The following DNM2 variants were observed in gnomAD, a reference collection of about 807,000 sequenced individuals.
DNM2 encodes dynamin-2.
In DNM2, 15 loss-of-function variants were observed where a neutral mutation model predicts 99.0. That is an observed-to-expected ratio of 0.15 (90% confidence interval 0.10 to 0.23). The LOEUF (loss-of-function observed/expected upper bound fraction) is 0.23, where lower values mean the gene tolerates loss of function less well. Ranked by LOEUF, DNM2 falls within the 10% of genes least tolerant of loss-of-function variation. DNM2 has a pLI of 1.00. For missense variants in DNM2, 742 were observed against 1,189.4 expected (o/e 0.62, Z 5.53); for synonymous variants, 525 against 481.2 (o/e 1.09, Z -1.19).
intron 1 of DNM2, among the ~76,000 whole-genome samples, chr19:10,759,066 C>G (rs1344374436): frequency 4.6e-5 from 7 of 151,918 alleles, no homozygotes; most frequent in Non-Finnish European, 1.0e-4. Flanking sequence ...CTCAGCCTCT[C>G]TAGTAGCTGG....
intron 6 of DNM2, 104 bp from the exon 7 acceptor site, chr19:10,786,460 A>G (rs2071562173): frequency 1.3e-6 from 2 of 1,573,048 alleles, no homozygotes. Flanking sequence ...TGGTGGCCGC[A>G]TAGTGGCACC....
chr19:10,804,871 C>T (rs909207716), intron 12 of DNM2, among the ~76,000 whole-genome samples: 9 of 152,128 alleles, frequency 5.9e-5, no homozygotes, highest in African/African-American at 1.4e-4. Flanking sequence ...ACAAAACCCC[C>T]GAGGTAGTCA....
rs2072926066 is a variant in DNM2, at chr19:10,820,146, C to T, written c.1781+57C>T. 1 of 1,531,794 alleles carries T rather than the reference C, an allele frequency of 6.5e-7. No homozygotes were observed. The allele number at this position is 1,531,794 out of a possible 1,614,324, so 94.9% of individuals were successfully genotyped here. A position where few individuals can be genotyped will look rare whatever the true frequency, so the allele number is the denominator to read the frequency against. ...GGGTGAAGACCAATGGCCTCATTCA[C>T]ACTCCACAACCTTCACTGAGCACTG... On this transcript the variant is annotated intron_variant, in intron 16 of 20. Transcript: ENST00000389253. This position sits in a 1 kb window ranked among gnomAD's most constrained non-coding sequence, Gnocchi z 4.3.
chr19:10,823,888 G>A lies in DNM2; in HGVS notation c.1882G>A (p.Glu628Lys), dbSNP rs775361247. The change falls in exon 17 of 21, where the codon GAG (glutamate) becomes AAG (lysine). Residue 628 changes from glutamate to lysine, a missense_variant. Coordinates refer to ENST00000389253, the MANE Select transcript of DNM2 (RefSeq NM_001005361.3). ...ASFLRAGVYP[E>K]KDQAENEDGA... ...GTTCCTCCGAGCTGGCGTCTACCCC[G>A]AGAAGGACCAGGTGAGGAGCCGTCC... is the stretch of plus-strand genomic sequence containing the variant. The A allele has an allele frequency of 1.2e-6, 2 of 1,613,702 alleles. No individual in the cohort carries two copies. Among genetic ancestry groups the A allele is most frequent in the Non-Finnish European group, 1.7e-6 (2 of 1,179,990 alleles).
intron 1 of DNM2, among the ~76,000 whole-genome samples, chr19:10,753,952 C>T (rs1009669529): frequency 1.3e-4 from 20 of 152,184 alleles, no homozygotes; most frequent in African/African-American, 4.8e-4. Flanking sequence ...CCATTATGCC[C>T]AGCAATATAT....
intron 10 of DNM2, 187 bp from the exon 11 acceptor site, chr19:10,798,299 G>T: frequency 1.6e-6 from 1 of 616,970 alleles, no homozygotes; most frequent in Non-Finnish European, 2.9e-6. Context: ...TCCGGTCCAC[G>T]GTGCCCCCAC....
chr19:10,745,581 G>A (rs2069936336), intron 1 of DNM2, among the ~76,000 whole-genome samples: 2 of 152,152 alleles, frequency 1.3e-5, no homozygotes, highest in South Asian at 2.1e-4. Flanking sequence ...CCTGTAGTCC[G>A]AGCTACTCAG....
intron 16 of DNM2, among the ~76,000 whole-genome samples, chr19:10,822,160 C>A (rs1302108933): frequency 6.6e-6 from 1 of 151,976 alleles, no homozygotes; most frequent in Non-Finnish European, 1.5e-5. Flanking sequence ...AGCTTTGAGA[C>A]CCTGGTTCTT....
In DNM2 at chr19:10,811,921, T is replaced by C; in HGVS notation, c.1558-343T>C. ...TGGAACCTTATCTCACGCAAACAAG[T>C]GCAGTTCCTCAGATGTCACATTTCA... On this transcript the variant is annotated intron_variant, in intron 14 of 20. Coordinates refer to ENST00000389253, the MANE Select transcript of DNM2 (RefSeq NM_001005361.3). This position sits in a 1 kb window ranked among gnomAD's most constrained non-coding sequence, Gnocchi z 5.4. 1 of 456,316 alleles carries C rather than the reference T, an allele frequency of 2.2e-6. No homozygotes were observed. The allele number at this position is 456,316 out of a possible 1,614,324, so 28.3% of individuals were successfully genotyped here.
chr19:10,750,828 G>A (rs941127272), intron 1 of DNM2, among the ~76,000 whole-genome samples: 1 of 152,088 alleles, frequency 6.6e-6, no homozygotes, highest in African/African-American at 2.4e-5. Flanking sequence ...AGCTACTTGG[G>A]GGGCTGAGGC....
intron 2 of DNM2, among the ~76,000 whole-genome samples, chr19:10,767,048 G>T (rs2070820917): frequency 6.6e-6 from 1 of 152,134 alleles, no homozygotes; most frequent in African/African-American, 2.4e-5. Context: ...GGAAATGCCT[G>T]TCTGCAGAGG....
chr19:10,797,149 A>AC (rs1405619673), intron 9 of DNM2, among the ~76,000 whole-genome samples: 1 of 150,870 alleles, frequency 6.6e-6, no homozygotes, highest in East Asian at 2.0e-4. Context: ...TGCAATGACA[A>AC]CCCCCCGTGG....
At chr19:10,815,804 C>T (rs1333087826) in intron 15 of DNM2, among the ~76,000 whole-genome samples, 1 of 152,144 alleles carries the variant, frequency 6.6e-6, no homozygotes, top group Non-Finnish European at 1.5e-5. Flanking sequence ...GTAGGAGTGC[C>T]CCCCACTGGG....
intron 1 of DNM2, among the ~76,000 whole-genome samples, chr19:10,744,914 G>T (rs527494548): frequency 2.6e-5 from 4 of 152,192 alleles, no homozygotes; most frequent in Admixed American, 2.6e-4. Flanking sequence ...CATTTGAGCA[G>T]TTTCCCCGTC....
At chr19:10,761,459 C>T (rs2070631357) in intron 2 of DNM2, among the ~76,000 whole-genome samples, 2 of 152,122 alleles carry the variant, frequency 1.3e-5, no homozygotes, top group East Asian at 1.9e-4. Context: ...GAAACCCCCT[C>T]GGGCCTCCTT....
chr19:10,732,765 C>G (rs2069377497), intron 1 of DNM2, among the ~76,000 whole-genome samples: 1 of 152,004 alleles, frequency 6.6e-6, no homozygotes, highest in Non-Finnish European at 1.5e-5. Flanking sequence ...ACCAGTGAGC[C>G]TATAAGTCTA....
In DNM2 at chr19:10,795,884, C is replaced by A. The variant is rs2071913850; in HGVS notation, c.1196+445C>A. The A allele has an allele frequency of 2.0e-6, 2 of 983,798 alleles. No homozygotes were observed. Among genetic ancestry groups the A allele is most frequent in the East Asian group, 2.4e-5 (1 of 41,602 alleles). 60.9% of individuals were successfully genotyped at this position (983,798 alleles called of 1,614,324 possible). A position where few individuals can be genotyped will look rare whatever the true frequency, so the allele number is the denominator to read the frequency against. On this transcript the variant is annotated intron_variant, in intron 9 of 20. Transcript: ENST00000389253. The surrounding 1 kb of genome is among the most constrained non-coding windows in gnomAD (Gnocchi z 4.2). ...GCTCCAGGTGTCTGCCCTTCCATCGCCGTGGGGTCCTCGGGTCACCCTGAG... is the reference window on the plus strand; with the variant it reads ...GCTCCAGGTGTCTGCCCTTCCATCGACGTGGGGTCCTCGGGTCACCCTGAG...
At chr19:10,807,113 C>T (rs2072363773) in intron 13 of DNM2, among the ~76,000 whole-genome samples, 1 of 152,182 alleles carries the variant, frequency 6.6e-6, no homozygotes, top group Non-Finnish European at 1.5e-5. Flanking sequence ...CGCATTGTCA[C>T]CTGGGCTGCA....
At chr19:10,798,407 A>G in intron 10 of DNM2, 79 bp from the exon 11 acceptor site, 2 of 1,084,636 alleles carry the variant, frequency 1.8e-6, no homozygotes, top group Non-Finnish European at 2.7e-6. Flanking sequence ...CCCCCTCCGC[A>G]TTTTCTACCT....
Sources: gnomAD v4.1 joint callset for allele counts (sites outside exome capture counted in the v4.1 genomes callset) on GRCh38, gnomAD v4.1.1 for gene constraint, Gnocchi (gnomAD v3.1) non-coding constraint, MANE v1.5 for transcripts, NCBI Gene and HGNC (gene_info 2026-07-23, HGNC 2026-07-21) for gene names.